ABCB7: variants seen among roughly 807,000 people sequenced by gnomAD.
The protein encoded by ABCB7 is ATP binding cassette subfamily B member 7, also known as iron-sulfur clusters transporter ABCB7, mitochondrial.
ABCB7 carries 7 observed loss-of-function variants against 54.4 expected under a neutral mutation model. The ratio of observed to expected loss-of-function variants is 0.13; its 90% confidence interval spans 0.07 to 0.24. ABCB7 has a LOEUF of 0.24. Ranked by LOEUF, ABCB7 falls within the 10% of genes least tolerant of loss-of-function variation. The pLI is 1.00. For missense variants in ABCB7, 356 were observed against 570.4 expected (o/e 0.62, Z 3.83); for synonymous variants, 218 against 207.1 (o/e 1.05, Z -0.45).
intron 1 of ABCB7, among the ~76,000 whole-genome samples, chrX:75,124,843 G>C (rs2081911096): frequency 9.0e-6 from 1 of 111,153 alleles, no homozygotes; most frequent in African/African-American, 3.3e-5. Flanking sequence ...CACAACAGCT[G>C]GAATGATGAG....
chrX:75,131,499 A>C (rs1341101901), intron 1 of ABCB7, among the ~76,000 whole-genome samples: 1 of 111,317 alleles, frequency 9.0e-6, no homozygotes, highest in Non-Finnish European at 1.9e-5. Flanking sequence ...AAATTCTCAC[A>C]CTAACAACAG....
intron 1 of ABCB7, among the ~76,000 whole-genome samples, chrX:75,121,539 G>T (rs1295235730): frequency 9.0e-6 from 1 of 111,310 alleles, no homozygotes; most frequent in East Asian, 2.8e-4. Context: ...GAGCCTGCTT[G>T]TTCCTGTGAT....
intron 3 of ABCB7, among the ~76,000 whole-genome samples, chrX:75,110,593 T>TA (rs1326294836): frequency 1.8e-5 from 2 of 112,097 alleles, no homozygotes; most frequent in African/African-American, 3.2e-5. Context: ...GTTTCTAACA[T>TA]AAAAAAGAGT....
At position 75,156,145 on chromosome X, in the gene ABCB7, G is replaced by A; in HGVS notation, c.128C>T (p.Pro43Leu). Reference sequence around the variant, plus strand: ...GGTTCCCAAGGCGCCGAGTTGATGTGGCCTCCACTGCGGACCTGAGCCGCT... The same window carrying A: ...GGTTCCCAAGGCGCCGAGTTGATGTAGCCTCCACTGCGGACCTGAGCCGCT... ...SVSGSGPQWR[P>L]HQLGALGTAR... The change falls in exon 1 of 16, where the codon CCA becomes CTA. Residue 43 changes from proline to leucine, a missense_variant. Pro to Leu is a moderately conservative substitution (Grantham distance 98). Around this residue, in one of 2 missense-constraint regions of ABCB7, gnomAD observed 115 missense variants for 99.5 expected, o/e 1.16. Coordinates refer to ENST00000373394, the MANE Select transcript of ABCB7 (RefSeq NM_001271696.3). 1 of 1,208,806 alleles carries A rather than the reference G, an allele frequency of 8.3e-7. No individual in the cohort carries two copies.
intron 8 of ABCB7, 116 bp downstream of exon 8, chrX:75,073,573 G>A (rs752676419): frequency 8.6e-6 from 5 of 582,497 alleles, no homozygotes; most frequent in Non-Finnish European, 1.2e-5. Context: ...ATTCCATCAC[G>A]CCTAGAGATC....
chrX:75,097,431 C>G (rs922130518), intron 4 of ABCB7: 2 of 111,928 alleles, frequency 1.8e-5, no homozygotes, highest in African/African-American at 6.5e-5. Context: ...CCGACTGGCA[C>G]TTCTTTAAAT....
intron 1 of ABCB7, among the ~76,000 whole-genome samples, chrX:75,129,106 A>G (rs1436174972): frequency 8.9e-6 from 1 of 111,899 alleles, no homozygotes; most frequent in Non-Finnish European, 1.9e-5. Flanking sequence ...GTATATACCC[A>G]AAGGATTATA....
At chrX:75,146,177 T>A (rs745579578) in intron 1 of ABCB7, among the ~76,000 whole-genome samples, 2 of 110,914 alleles carry the variant, frequency 1.8e-5, no homozygotes, top group African/African-American at 6.6e-5. Flanking sequence ...CACAAACAAA[T>A]GGAAAAACAT....
rs757654002 is a variant in ABCB7, at chrX:75,153,203, G to C, written c.168+2902C>G. On this transcript the variant is annotated intron_variant, in intron 1 of 15. Coordinates refer to ENST00000373394, the MANE Select transcript of ABCB7 (RefSeq NM_001271696.3). ...CGCCATTCTCCTGCCTCAGCCTCCC[G>C]AATAGCTGGGACTACAGGAGCCCGC... 1.4e-4 allele frequency among the ~76,000 whole-genome samples: 16 copies of C among 110,679 alleles called. No individual in the cohort carries two copies. In the South Asian group the frequency reaches 1.6e-3, roughly 11 times the overall value.
intron 10 of ABCB7, 64 bp downstream of exon 10, chrX:75,070,301 G>C: frequency 9.3e-7 from 1 of 1,080,185 alleles, no homozygotes; most frequent in Non-Finnish European, 1.3e-6. Flanking sequence ...AATATTCCTA[G>C]AATAATCCTA....
At chrX:75,056,416 T>C (rs2081240584) in intron 15 of ABCB7, among the ~76,000 whole-genome samples, 1 of 112,176 alleles carries the variant, frequency 8.9e-6, no homozygotes, top group African/African-American at 3.2e-5. Flanking sequence ...ATGTTTTTTA[T>C]TTAATGTATT....
At chrX:75,102,831 T>G (rs2081651370) in intron 3 of ABCB7, among the ~76,000 whole-genome samples, 1 of 111,129 alleles carries the variant, frequency 9.0e-6, no homozygotes, top group African/African-American at 3.3e-5. Context: ...TTTTTTGTCT[T>G]TTTATTCATG....
At chrX:75,135,210 C>T (rs188217708) in intron 1 of ABCB7, among the ~76,000 whole-genome samples, 137 of 108,179 alleles carry the variant, frequency 1.3e-3, no homozygotes, top group African/African-American at 4.2e-3. Context: ...TCTATGCACA[C>T]GAACTAGAAA....
At chrX:75,109,224 A>C (rs1001626799) in intron 3 of ABCB7, among the ~76,000 whole-genome samples, 2 of 112,278 alleles carry the variant, frequency 1.8e-5, no homozygotes, top group Non-Finnish European at 3.8e-5. Context: ...ACAAGTGAAC[A>C]GCTATACCTA....
chrX:75,053,497 C>A lies in ABCB7; in HGVS notation c.2132G>T (p.Arg711Leu), dbSNP rs949445106. Residue 711 changes from arginine (R) to leucine (L), a missense_variant, in exon 16 of 16, where the codon CGT (arginine) becomes CTT (leucine). Physicochemically the swap from Arg to Leu is moderately radical, Grantham distance 102 (BLOSUM62 -2). Around this residue, in one of 2 missense-constraint regions of ABCB7, gnomAD observed 241 missense variants for 470.9 expected, o/e 0.51. Coordinates refer to ENST00000373394, the MANE Select transcript of ABCB7 (RefSeq NM_001271696.3). Reference sequence around the variant, plus strand: ...TTTGGGGTTATCATGGTTCTGCACACGGCTGCTCTGTGTATGCCACATTTC... The same window carrying A: ...TTTGGGGTTATCATGGTTCTGCACAAGGCTGCTCTGTGTATGCCACATTTC... ...YSEMWHTQSS[R>L]VQNHDNPKWE... 3.3e-6 allele frequency: 4 copies of A among 1,209,240 alleles called. No homozygotes were observed. The highest frequency in any genetic ancestry group is 4.4e-5 in the Admixed American group (2 of 45,709).
chrX:75,119,643 T>C (rs767656189), intron 1 of ABCB7, among the ~76,000 whole-genome samples: 38 of 111,941 alleles, frequency 3.4e-4, no homozygotes, highest in African/African-American at 1.1e-3. Flanking sequence ...ATAAAAATCA[T>C]ACAGGAAGCA....
chrX:75,073,551 T>C (rs1341715305), intron 8 of ABCB7, 138 bp downstream of exon 8: 1 of 528,050 alleles, frequency 1.9e-6, no homozygotes, highest in Non-Finnish European at 3.3e-6. Flanking sequence ...AGACAAACAA[T>C]AAAATAGTAT....
At chrX:75,122,932 C>T (rs1208792304) in intron 1 of ABCB7, among the ~76,000 whole-genome samples, 1 of 105,891 alleles carries the variant, frequency 9.4e-6, no homozygotes, top group African/African-American at 3.4e-5. Context: ...TGGATATTAA[C>T]CCCTTATCAG....
At chrX:75,081,545 A>G (rs2147479324) in intron 4 of ABCB7, among the ~76,000 whole-genome samples, 1 of 112,355 alleles carries the variant, frequency 8.9e-6, no homozygotes, top group East Asian at 2.8e-4. Context: ...AATCATTCAC[A>G]TTCTGCATTT....
Sources: allele counts gnomAD v4.1 joint callset (sites outside exome capture counted in the v4.1 genomes callset), GRCh38; gene constraint gnomAD v4.1.1; regional missense constraint gnomAD v4.1.1; transcripts MANE v1.5; gene names NCBI Gene and HGNC (gene_info 2026-07-23, HGNC 2026-07-21).